The following CTPS2 variants were observed in gnomAD, a reference collection of about 807,000 sequenced individuals.
CTPS2 encodes CTP synthase 2.
In CTPS2, 19 loss-of-function variants were observed where a neutral mutation model predicts 46.8. That is an observed-to-expected ratio of 0.41 (90% CI 0.28 to 0.60). The LOEUF (loss-of-function observed/expected upper bound fraction) is 0.60. CTPS2 is among the 20% of genes least tolerant of loss of function. CTPS2 has a pLI of 0.35. For synonymous variants in CTPS2, 151 were observed against 165.2 expected, an observed-to-expected ratio of 0.91 and a Z score of 0.66; for missense variants, 286 against 447.6, an observed-to-expected ratio of 0.64 and a Z score of 3.26.
chrX:16,664,905 T>C (rs1410749501), intron 13 of CTPS2, among the ~76,000 whole-genome samples: 1 of 112,140 alleles, frequency 8.9e-6, no homozygotes, highest in Non-Finnish European at 1.9e-5. Flanking sequence ...AAGGAACTTA[T>C]ATCTAGAATA....
chrX:16,668,410 TAAAAAA>T (rs1181822517), intron 11 of CTPS2, among the ~76,000 whole-genome samples: 1 of 86,254 alleles, frequency 1.2e-5, no homozygotes. Context: ...CCATCTCTAC[TAAAAAA>T]AAAAAAATAC....
intron 1 of CTPS2, chrX:16,711,471 T>C (rs1481359755): frequency 9.0e-6 from 1 of 110,928 alleles, no homozygotes; most frequent in East Asian, 2.8e-4. Flanking sequence ...TTCTCAGTGA[T>C]GGCCATTTAA....
At chrX:16,631,448 G>A (rs1393643826) in intron 14 of CTPS2, among the ~76,000 whole-genome samples, 2 of 111,629 alleles carry the variant, frequency 1.8e-5, no homozygotes, top group Non-Finnish European at 3.8e-5. Context: ...GGGCCCAGGA[G>A]GTTGAGGCTG....
intron 7 of CTPS2, 128 bp from the exon 8 acceptor site, chrX:16,689,729 C>T: frequency 1.9e-6 from 1 of 537,553 alleles, no homozygotes; most frequent in East Asian, 3.7e-5. Flanking sequence ...CACGCACACA[C>T]AAAAACCCAG....
At chrX:16,679,806 C>G (rs1330774292) in intron 9 of CTPS2, among the ~76,000 whole-genome samples, 1 of 111,397 alleles carries the variant, frequency 9.0e-6, no homozygotes, top group Non-Finnish European at 1.9e-5. Context: ...AGAGGGCCCT[C>G]ACCAGAACCC....
chrX:16,635,272 G>A (rs1255962099), intron 14 of CTPS2, among the ~76,000 whole-genome samples: 11 of 111,818 alleles, frequency 9.8e-5, no homozygotes, highest in Admixed American at 5.7e-4. Flanking sequence ...ATGCCAATAC[G>A]GGATGGGGGA....
chrX:16,698,292 G>C lies in CTPS2; in HGVS notation c.382C>G (p.Gln128Glu). 1 of 1,207,634 alleles carries C rather than the reference G, an allele frequency of 8.3e-7. No homozygotes were observed. Among genetic ancestry groups the C allele is most frequent in the Non-Finnish European group, 1.1e-6 (1 of 891,919 alleles). ...TDAVQEWVMN[Q>E]AKVPVDGNKE... ...TTACCATCCACCGGCACCTTGGCTT[G>C]ATTCATAACCCACTCCTGGACAGCA... Residue 128 changes from glutamine (Q) to glutamate (E), a missense_variant, in exon 4 of 19, where the codon CAA becomes GAA. Gln to Glu is a conservative substitution (Grantham distance 29, BLOSUM62 2). Transcript: ENST00000359276.
intron 10 of CTPS2, among the ~76,000 whole-genome samples, chrX:16,674,621 G>A (rs12013714): frequency 0.021 from 2,208 of 104,029 alleles, 70 homozygotes; most frequent in African/African-American, 0.074. Flanking sequence ...GGCAGATCAC[G>A]AGGTCAGGAG....
intron 14 of CTPS2, among the ~76,000 whole-genome samples, 174 bp from the exon 15 acceptor site, chrX:16,620,506 G>A (rs989024850): frequency 3.6e-5 from 4 of 111,744 alleles, no homozygotes; most frequent in African/African-American, 1.3e-4. Context: ...AGAAGATGGC[G>A]ATAGCTTCTT....
rs200862252 is a variant in CTPS2 at position 16,693,212 on chromosome X, C to T, written c.568G>A (p.Gly190Arg). The T allele has an allele frequency of 2.8e-5, 34 of 1,206,539 alleles. No homozygotes were observed. Among genetic ancestry groups the T allele is most frequent in the Non-Finnish European group, 3.5e-5 (31 of 892,857 alleles). Residue 190 changes from glycine to arginine, a missense_variant, in exon 6 of 19, where the codon GGA (glycine) becomes AGA (arginine). By Grantham distance (125) the Gly-to-Arg change is moderately radical. Transcript: ENST00000359276. ...VSLVPQLSAT[G>R]EQKTKPTQNS... ...TGGGTGGGTTTGGTTTTTTGTTCTC[C>T]GGTAGCACTGAGCTGAAAAAAAATG...
At chrX:16,666,862 G>C (rs1238140820) in intron 13 of CTPS2, among the ~76,000 whole-genome samples, 2 of 110,554 alleles carry the variant, frequency 1.8e-5, no homozygotes, top group African/African-American at 3.3e-5. Flanking sequence ...ATGACCACCA[G>C]TGTGGAAAAT....
intron 8 of CTPS2, among the ~76,000 whole-genome samples, chrX:16,687,474 C>CAAAAAAAAAAAAAAAAAAAAAAAA (rs35798035): frequency 4.5e-5 from 2 of 44,393 alleles, no homozygotes; most frequent in African/African-American, 8.3e-5. Context: ...CACCCTGTGT[C>CAAAAAAAAAAAAAAAAAAAAAAAA]AAAAAAAAAA....
chrX:16,673,547 T>C (rs1921961517), intron 10 of CTPS2, among the ~76,000 whole-genome samples: 1 of 110,566 alleles, frequency 9.0e-6, no homozygotes, highest in Non-Finnish European at 1.9e-5. Context: ...GGATCTTCTT[T>C]CTGTCTGTGC....
At position 16,691,555 on chromosome X, in the gene CTPS2, G is replaced by A. The variant is rs199902818; in HGVS notation, c.705C>T (p.His235=). 1.7e-6 allele frequency: 2 copies of A among 1,210,493 alleles called. No homozygotes were observed. The highest frequency in any genetic ancestry group is 1.7e-5 in the African/African-American group (1 of 57,851). ...AVKEKISMFC[H]VNPEQVICIH... The stretch of plus-strand genomic sequence containing the variant: ...CAGCACCAACCTGTTCAGGGTTCAC[G>A]TGACAAAACATAGAAATCTTCTCCT... Residue 235 remains histidine, a synonymous_variant, in exon 7 of 19, where the codon CAC becomes CAT. Coordinates refer to ENST00000359276, the MANE Select transcript of CTPS2 (RefSeq NM_175859.3).
At position 16,699,083 on chromosome X, in the gene CTPS2, G is replaced by T; in HGVS notation, c.177C>A (p.Phe59Leu). The T allele has an allele frequency of 8.7e-7, 1 of 1,150,075 alleles. No individual in the cohort carries two copies. The allele number at this position is 1,150,075 out of a possible 1,213,427, so 94.8% of individuals were successfully genotyped here. A position where few individuals can be genotyped will look rare whatever the true frequency, so the allele number is the denominator to read the frequency against. The stretch of plus-strand genomic sequence containing the variant: ...CAACTTCTCCACCATCATTTAAGAC[G>T]AAGACTTCACCTAGGATTAAAAAGG... Reference protein sequence around the residue: ...TFSPYEHGEVFVLNDGGEVDL... With the variant: ...TFSPYEHGEVLVLNDGGEVDL... The change falls in exon 3 of 19, where the codon TTC becomes TTA. Residue 59 changes from phenylalanine (F) to leucine (L), a missense_variant. Transcript: ENST00000359276.
intron 13 of CTPS2, among the ~76,000 whole-genome samples, chrX:16,664,006 C>G (rs1442736103): frequency 9.0e-6 from 1 of 110,576 alleles, no homozygotes; most frequent in Non-Finnish European, 1.9e-5. Context: ...CAGCTAATTT[C>G]TTTATGTTTT....
chrX:16,656,627 G>A (rs1932827969), intron 13 of CTPS2, among the ~76,000 whole-genome samples: 1 of 111,445 alleles, frequency 9.0e-6, no homozygotes, highest in African/African-American at 3.3e-5. Context: ...TGTTAGCCAG[G>A]ATGGTCTCGA....
chrX:16,665,672 T>C (rs1244965402), intron 13 of CTPS2, among the ~76,000 whole-genome samples: 1 of 111,703 alleles, frequency 9.0e-6, no homozygotes, highest in Non-Finnish European at 1.9e-5. Context: ...TTTGGAGTAA[T>C]GAAAATGGCC....
chrX:16,637,393 AT>A (rs1931808679), intron 14 of CTPS2, among the ~76,000 whole-genome samples: 1 of 109,985 alleles, frequency 9.1e-6, no homozygotes, highest in African/African-American at 3.3e-5. Flanking sequence ...TAATTTTTGT[AT>A]TTTTTGTAGA....
Sources: gnomAD v4.1 joint callset for allele counts (sites outside exome capture counted in the v4.1 genomes callset) on GRCh38, gnomAD v4.1.1 for gene constraint, MANE v1.5 for transcripts, NCBI Gene and HGNC (gene_info 2026-07-23, HGNC 2026-07-21) for gene names.